The following DCAF1 variants were observed in gnomAD, a reference collection of about 807,000 sequenced individuals.
DCAF1 encodes the protein DDB1 and CUL4 associated factor 1, also known as DDB1- and CUL4-associated factor 1.
In DCAF1, 15 loss-of-function variants were observed where a neutral mutation model predicts 128.0. That is an observed-to-expected ratio of 0.12 (90% CI 0.08 to 0.18). The LOEUF is 0.18. Ranked by LOEUF, DCAF1 falls within the 10% of genes least tolerant of loss-of-function variation. The probability of loss-of-function intolerance (pLI) is 1.00; values close to 1 mark genes in which losing one functional copy is unlikely to be tolerated. For synonymous variants in DCAF1, 610 were observed against 603.0 expected (o/e 1.01, Z -0.17); for missense variants, 988 against 1,649.5 (o/e 0.60, Z 6.95).
At chr3:51,425,247 G>C (rs1402645587) in intron 13 of DCAF1, among the ~76,000 whole-genome samples, 4 of 152,100 alleles carry the variant, frequency 2.6e-5, no homozygotes, top group Non-Finnish European at 5.9e-5. Flanking sequence ...GAGGCAGGCA[G>C]ATCACTCAAG....
intron 9 of DCAF1, among the ~76,000 whole-genome samples, chr3:51,437,651 CA>C (rs1160929682): frequency 6.6e-6 from 1 of 151,664 alleles, no homozygotes; most frequent in African/African-American, 2.4e-5. Context: ...CGGTCTCTAC[CA>C]AAAATACAAA....
intron 10 of DCAF1, among the ~76,000 whole-genome samples, chr3:51,430,998 GGCAAAA>G (rs1419219319): frequency 6.6e-6 from 1 of 152,044 alleles, no homozygotes; most frequent in Non-Finnish European, 1.5e-5. Context: ...TGGGCAAAAT[GGCAAAA>G]CCCTGCCTCT....
At chr3:51,488,937 T>C (rs1553656695) in intron 2 of DCAF1, among the ~76,000 whole-genome samples, 2 of 152,022 alleles carry the variant, frequency 1.3e-5, no homozygotes, top group Non-Finnish European at 2.9e-5. Context: ...TGCATTCCAG[T>C]CTGCGCGACA....
chr3:51,496,016 G>A (rs1553660688), intron 2 of DCAF1, among the ~76,000 whole-genome samples: 1 of 151,934 alleles, frequency 6.6e-6, no homozygotes, highest in African/African-American at 2.4e-5. Flanking sequence ...AAAAGGCCGG[G>A]CACAGTGGCT....
At chr3:51,444,453 C>T (rs541588210) in intron 6 of DCAF1, among the ~76,000 whole-genome samples, 1 of 152,116 alleles carries the variant, frequency 6.6e-6, no homozygotes, top group South Asian at 2.1e-4. Context: ...CAGGTTCAAG[C>T]GATTCTCCTG....
intron 3 of DCAF1, among the ~76,000 whole-genome samples, chr3:51,472,943 C>T (rs1256531991): frequency 6.7e-6 from 1 of 150,242 alleles, no homozygotes; most frequent in Non-Finnish European, 1.5e-5. Flanking sequence ...TGGTTATAGG[C>T]GTGAGCCACC....
At chr3:51,485,231 A>G (rs1160641983) in intron 2 of DCAF1, among the ~76,000 whole-genome samples, 1 of 152,172 alleles carries the variant, frequency 6.6e-6, no homozygotes, top group Non-Finnish European at 1.5e-5. Flanking sequence ...ATTCTTAAAG[A>G]GAAGGCCAAG....
intron 2 of DCAF1, among the ~76,000 whole-genome samples, chr3:51,493,359 C>T (rs930882170): frequency 7.2e-5 from 11 of 151,914 alleles, no homozygotes; most frequent in Non-Finnish European, 1.3e-4. Context: ...GCAGGAGAAC[C>T]GCTTGAACTC....
At position 51,398,583 on chromosome 3, in the gene DCAF1, T is replaced by G; in HGVS notation, c.*186A>C. On this transcript the variant is annotated 3_prime_UTR_variant, in exon 25 of 25. Transcript: ENST00000684031. ...CTAGTCCCTGTTGTCATTTTTGTGG[T>G]GGTTATTGATTCTGGAAGGACCCTC... The G allele has an allele frequency of 1.5e-6, 1 of 668,508 alleles. No homozygotes were observed. Among genetic ancestry groups the G allele is most frequent in the Non-Finnish European group, 2.5e-6 (1 of 401,626 alleles). The allele number at this position is 668,508 out of a possible 1,614,324, so 41.4% of individuals were successfully genotyped here. A position where few individuals can be genotyped will look rare whatever the true frequency, so the allele number is the denominator to read the frequency against.
intron 2 of DCAF1, among the ~76,000 whole-genome samples, chr3:51,494,909 C>T (rs781874632): frequency 7.9e-5 from 12 of 152,074 alleles, no homozygotes. Context: ...ATATATACTT[C>T]TGGTATCATT....
intron 2 of DCAF1, among the ~76,000 whole-genome samples, chr3:51,494,598 T>C (rs1577338039): frequency 6.6e-6 from 1 of 152,290 alleles, no homozygotes; most frequent in East Asian, 1.9e-4. Flanking sequence ...AGACTGCTTC[T>C]TAGATAACTT....
At chr3:51,400,948 C>T (rs553255652) in intron 24 of DCAF1, among the ~76,000 whole-genome samples, 6 of 151,956 alleles carry the variant, frequency 3.9e-5, no homozygotes, top group East Asian at 1.9e-4. Flanking sequence ...CTGGCTAACA[C>T]GGTGAAACCC....
intron 6 of DCAF1, among the ~76,000 whole-genome samples, chr3:51,458,093 G>A (rs1330112826): frequency 1.3e-5 from 2 of 152,152 alleles, no homozygotes; most frequent in Non-Finnish European, 2.9e-5. Flanking sequence ...TGGGCTAAAT[G>A]CTCCAATTAA....
intron 2 of DCAF1, among the ~76,000 whole-genome samples, chr3:51,491,831 C>G (rs1173898368): frequency 1.3e-5 from 2 of 151,800 alleles, no homozygotes; most frequent in Non-Finnish European, 2.9e-5. Context: ...GGCGACAGAG[C>G]AAGACTCCAT....
At chr3:51,432,945 A>G (rs1242318074) in intron 10 of DCAF1, among the ~76,000 whole-genome samples, 161 bp downstream of exon 10, 3 of 152,232 alleles carry the variant, frequency 2.0e-5, no homozygotes, top group African/African-American at 7.2e-5. Context: ...CATTTTTAGA[A>G]TGCTTTATAA....
At chr3:51,449,378 T>A (rs1041094251) in intron 6 of DCAF1, among the ~76,000 whole-genome samples, 3 of 152,254 alleles carry the variant, frequency 2.0e-5, no homozygotes, top group African/African-American at 7.2e-5. Context: ...TGGCTAATTT[T>A]GTATTTTTAG....
intron 13 of DCAF1, among the ~76,000 whole-genome samples, chr3:51,424,752 T>C (rs1452605920): frequency 7.2e-5 from 11 of 152,184 alleles, no homozygotes; most frequent in Non-Finnish European, 1.3e-4. Flanking sequence ...AAGATGAACT[T>C]AGGAAAATAT....
Position 51,483,845 on chromosome 3 carries a change from GC to G in DCAF1, c.-8-10del, listed in dbSNP as rs782100792. The G allele has an allele frequency of 4.4e-5, 70 of 1,577,926 alleles. No individual in the cohort carries two copies. The highest frequency in any genetic ancestry group is 6.1e-5 in the Non-Finnish European group (70 of 1,152,340). The stretch of plus-strand genomic sequence containing the variant: ...TGTAGTCATGGCTTTGCCTAAGGAA[GC>G]AAAAATAAAAATAAAAAAGACAACC... On this transcript the variant is annotated splice_polypyrimidine_tract_variant and intron_variant, in intron 2 of 24. Transcript: ENST00000684031.
chr3:51,483,609 TTGTGTGTGTGTG>T (rs57475291), intron 3 of DCAF1, 98 bp downstream of exon 3: 37 of 475,854 alleles, frequency 7.8e-5, no homozygotes, highest in South Asian at 6.2e-4. Context: ...TTAAACTAGT[TTGTGTGTGTGTG>T]TGTGTGTGTG....
Sources: allele counts gnomAD v4.1 joint callset (sites outside exome capture counted in the v4.1 genomes callset), GRCh38; gene constraint gnomAD v4.1.1; transcripts MANE v1.5; gene names NCBI Gene and HGNC (gene_info 2026-07-23, HGNC 2026-07-21).